The following PREX1 variants were observed in gnomAD, a reference collection of about 807,000 sequenced individuals.
The protein encoded by PREX1 is phosphatidylinositol-3,4,5-trisphosphate dependent Rac exchange factor 1.
In PREX1, 41 loss-of-function variants were observed where a neutral mutation model predicts 198.3. The ratio of observed to expected loss-of-function variants is 0.21; its 90% CI spans 0.16 to 0.27. The LOEUF (loss-of-function observed/expected upper bound fraction) is 0.27. Ranked by LOEUF, PREX1 falls within the 10% of genes least tolerant of loss-of-function variation. PREX1 has a pLI of 1.00. For synonymous variants in PREX1, 843 were observed against 887.2 expected, an observed-to-expected ratio of 0.95 and a Z score of 0.89; for missense variants, 1,620 against 2,200.7, an observed-to-expected ratio of 0.74 and a Z score of 5.28.
At chr20:48,646,556 T>C (rs992278885) in intron 25 of PREX1, among the ~76,000 whole-genome samples, 1 of 151,372 alleles carries the variant, frequency 6.6e-6, no homozygotes, top group Non-Finnish European at 1.5e-5. Flanking sequence ...CTGGGTGTGG[T>C]GGCGGGTGCC....
chr20:48,858,268 G>A, the PREX1 span, among the ~76,000 whole-genome samples: 610 of 152,278 alleles, frequency 4.0e-3, 3 homozygotes, highest in African/African-American at 0.011. Context: ...GTTATACTCC[G>A]GGCATGTGAC....
chr20:48,666,490 T>A lies in PREX1; in HGVS notation c.1666-135A>T. ...GGGTTGTCTGTTTTGTTTACTGCAG[T>A]AACCCCAAAACGGGTTTGTGATTAT... On this transcript the variant is annotated intron_variant, in intron 14 of 39. Coordinates refer to ENST00000371941, the MANE Select transcript of PREX1 (RefSeq NM_020820.4). This position sits in a 1 kb window ranked among gnomAD's most constrained non-coding sequence, Gnocchi z 4.3. 1.6e-6 allele frequency: 1 copy of A among 621,696 alleles called. No homozygotes were observed. 38.5% of individuals were successfully genotyped at this position (621,696 alleles called of 1,614,324 possible).
chr20:48,784,363 A>G (rs1219447135), intron 1 of PREX1, among the ~76,000 whole-genome samples: 1 of 152,208 alleles, frequency 6.6e-6, no homozygotes, highest in African/African-American at 2.4e-5. Context: ...GATTCTAAGA[A>G]TTCATGCAAT....
At chr20:48,775,071 C>T in intron 1 of PREX1, among the ~76,000 whole-genome samples, 1 of 152,184 alleles carries the variant, frequency 6.6e-6, no homozygotes. Flanking sequence ...ACACGGTTTC[C>T]ACCACCGCAC....
intron 1 of PREX1, among the ~76,000 whole-genome samples, chr20:48,772,705 G>C (rs2071932838): frequency 6.6e-6 from 1 of 152,188 alleles, no homozygotes; most frequent in Non-Finnish European, 1.5e-5. Flanking sequence ...GGGCAGAGCA[G>C]GCTGGGCTAG....
intron 1 of PREX1, among the ~76,000 whole-genome samples, chr20:48,756,897 T>C (rs2090157902): frequency 6.6e-6 from 1 of 152,092 alleles, no homozygotes; most frequent in African/African-American, 2.4e-5. Flanking sequence ...AAATGAGAAG[T>C]AAAGTTATGT....
intron 25 of PREX1, 121 bp from the exon 26 acceptor site, chr20:48,646,178 C>T (rs969434027): frequency 1.0e-5 from 10 of 971,098 alleles, no homozygotes; most frequent in South Asian, 1.5e-5. Context: ...GTGGGAGACT[C>T]GCAAGTTCTT....
the PREX1 span, among the ~76,000 whole-genome samples, chr20:48,840,694 C>T: frequency 6.6e-6 from 1 of 152,326 alleles, no homozygotes; most frequent in African/African-American, 2.4e-5. Context: ...CCACAGAGTG[C>T]TTTGGGCATT....
chr20:48,713,067 T>C (rs1229499023), intron 5 of PREX1, among the ~76,000 whole-genome samples: 1 of 151,734 alleles, frequency 6.6e-6, no homozygotes, highest in Non-Finnish European at 1.5e-5. Flanking sequence ...GAGGTTGCAG[T>C]GAGCCAAAGG....
chr20:48,634,652 T>C, intron 33 of PREX1, 24 bp downstream of exon 33: 5 of 1,606,414 alleles, frequency 3.1e-6, no homozygotes, highest in Non-Finnish European at 4.3e-6. Context: ...CCTCTCACAG[T>C]GGGGGATGGG....
chr20:48,740,888 G>A (rs768918288), intron 3 of PREX1, among the ~76,000 whole-genome samples: 3 of 152,176 alleles, frequency 2.0e-5, no homozygotes, highest in Non-Finnish European at 2.9e-5. Flanking sequence ...CGGTAATACC[G>A]TTTGGTTTCT....
chr20:48,856,240 C>T, the PREX1 span, among the ~76,000 whole-genome samples: 2,064 of 152,334 alleles, frequency 0.014, 45 homozygotes, highest in African/African-American at 0.047. Flanking sequence ...GTGAGGACAG[C>T]GGCCTGCTGG....
intron 1 of PREX1, among the ~76,000 whole-genome samples, chr20:48,775,583 T>C (rs1162986247): frequency 1.3e-5 from 2 of 151,934 alleles, no homozygotes; most frequent in Non-Finnish European, 2.9e-5. Context: ...TTTGGCTGTG[T>C]CCCCACCCAA....
chr20:48,661,444 A>AAAAATATATATATATATAT (rs1555832820), intron 15 of PREX1, among the ~76,000 whole-genome samples: 1 of 49,594 alleles, frequency 2.0e-5, no homozygotes, highest in East Asian at 5.1e-4. Flanking sequence ...AAAAAAAAAA[A>AAAAATATATATATATATAT]ATATATATAT....
At chr20:48,729,614 T>C (rs912579747) in intron 4 of PREX1, among the ~76,000 whole-genome samples, 1 of 152,164 alleles carries the variant, frequency 6.6e-6, no homozygotes, top group Non-Finnish European at 1.5e-5. Context: ...CCCAAAACCC[T>C]AAAGTCATAT....
rs371753747 is a variant in PREX1 at position 48,642,208 on chromosome 20, G to A, written c.3735C>T (p.Phe1245=). ...TCATAGGGAAATGCTTGGTCTCTTC[G>A]AAAGCCCGGCTCATGACTGGCCCCT... The part of the protein sequence containing the change: ...LLKGPVMSRA[F]EETKHFPMNH... Residue 1245 remains phenylalanine, a synonymous_variant, in exon 29 of 40, where the codon TTC becomes TTT. Coordinates refer to ENST00000371941, the MANE Select transcript of PREX1 (RefSeq NM_020820.4). 201 of 1,614,176 alleles carry A rather than the reference G, an allele frequency of 1.2e-4. No individual in the cohort carries two copies. The highest frequency in any genetic ancestry group is 5.7e-4 in the Admixed American group (34 of 60,032).
At chr20:48,652,532 T>C (rs2122903787) in intron 21 of PREX1, 54 bp downstream of exon 21, 3 of 1,544,764 alleles carry the variant, frequency 1.9e-6, no homozygotes, top group Admixed American at 3.6e-5. Flanking sequence ...ACCCAGCCCC[T>C]CCGGAGTCTC....
intron 2 of PREX1, among the ~76,000 whole-genome samples, chr20:48,746,941 AACACACACAC>A (rs57506374): frequency 0.028 from 3,278 of 117,608 alleles, 100 homozygotes; most frequent in East Asian, 0.046. Context: ...CCAGTGCATG[AACACACACAC>A]ACACACACAC....
chr20:48,826,512 G>C (rs1421539248), intron 1 of PREX1, among the ~76,000 whole-genome samples: 2 of 152,318 alleles, frequency 1.3e-5, no homozygotes, highest in Non-Finnish European at 2.9e-5. Flanking sequence ...TCAGCTGTGC[G>C]ATCCCAGACA....
Sources: allele counts gnomAD v4.1 joint callset (sites outside exome capture counted in the v4.1 genomes callset), GRCh38; gene constraint gnomAD v4.1.1; non-coding constraint Gnocchi (gnomAD v3.1); transcripts MANE v1.5; gene names NCBI Gene and HGNC (gene_info 2026-07-23, HGNC 2026-07-21).